Variants in MAF observed in about 807,000 individuals in gnomAD.
MAF encodes MAF bZIP transcription factor, also known as transcription factor Maf.
In MAF, 10 loss-of-function variants were observed where a neutral mutation model predicts 22.0. The ratio of observed to expected loss-of-function variants is 0.45; its 90% CI spans 0.28 to 0.77. MAF has a LOEUF of 0.77. MAF is among the 30% of genes least tolerant of loss of function. The probability of loss-of-function intolerance (pLI) is 0.12; values close to 1 mark genes in which losing one functional copy is unlikely to be tolerated. For synonymous variants in MAF, 337 were observed against 255.8 expected (o/e 1.32, Z -3.03); for missense variants, 544 against 548.4 (o/e 0.99, Z 0.08).
chr16:79,249,084 G>A, the MAF span, among the ~76,000 whole-genome samples: 2 of 152,166 alleles, frequency 1.3e-5, no homozygotes, highest in Non-Finnish European at 2.9e-5. Flanking sequence ...AAGTGGTAAG[G>A]TTATGAGGGC....
chr16:79,405,196 G>A, the MAF span, among the ~76,000 whole-genome samples: 1 of 152,100 alleles, frequency 6.6e-6, no homozygotes, highest in African/African-American at 2.4e-5. Context: ...AGGGGAGAAG[G>A]GAATGTCCAA....
At chr16:79,212,246 C>G in the MAF span, 5 of 1,335,162 alleles carry the variant, frequency 3.7e-6, no homozygotes, top group South Asian at 6.3e-5. Flanking sequence ...CTGCATTGAT[C>G]CAGGAGATAA....
intron 1 of MAF, 194 bp downstream of exon 1, chr16:79,598,591 T>TG: frequency 6.8e-7 from 1 of 1,461,474 alleles, no homozygotes; most frequent in East Asian, 2.5e-5. Context: ...GGTGTGTGTG[T>TG]GTGTGTGTGT....
the MAF span, among the ~76,000 whole-genome samples, chr16:79,334,999 A>G: frequency 6.6e-6 from 1 of 151,758 alleles, no homozygotes; most frequent in African/African-American, 2.4e-5. Context: ...AGCCTGGCCA[A>G]CATGGTGAAA....
At chr16:79,538,283 G>C in the MAF span, among the ~76,000 whole-genome samples, 2 of 152,174 alleles carry the variant, frequency 1.3e-5, no homozygotes, top group Non-Finnish European at 1.5e-5. Context: ...TTAAAGCACA[G>C]TACAAGATGC....
At chr16:79,515,869 T>C in the MAF span, 1 of 151,708 alleles carries the variant, frequency 6.6e-6, no homozygotes, top group Non-Finnish European at 1.5e-5. Flanking sequence ...GGAGCCTCCA[T>C]CATATGGAGT....
In MAF at chr16:79,599,965, G is replaced by C; in HGVS notation, c.-63C>G. On this transcript the variant is annotated 5_prime_UTR_variant, in exon 1 of 2. Coordinates refer to ENST00000326043, the MANE Select transcript of MAF (RefSeq NM_005360.5). ...CAGATGGGCTGCAGGAGAGGGGCCAGCGGGCTGTGCTGGGTGGCCAGCGGG... is the reference window on the plus strand; with the variant it reads ...CAGATGGGCTGCAGGAGAGGGGCCACCGGGCTGTGCTGGGTGGCCAGCGGG... 6.3e-7 allele frequency: 1 copy of C among 1,594,216 alleles called. No individual in the cohort carries two copies. Among genetic ancestry groups the C allele is most frequent in the Non-Finnish European group, 8.5e-7 (1 of 1,177,242 alleles).
At chr16:79,569,334 G>A in the MAF span, among the ~76,000 whole-genome samples, 1 of 152,154 alleles carries the variant, frequency 6.6e-6, no homozygotes, top group African/African-American at 2.4e-5. Context: ...AATGTCCCTG[G>A]AGGAGCAGCA....
chr16:79,502,708 A>AATATATAAATATATATATATAT, the MAF span, among the ~76,000 whole-genome samples: 1 of 34,008 alleles, frequency 2.9e-5, no homozygotes, highest in African/African-American at 9.0e-5. Flanking sequence ...TATAAATATA[A>AATATATAAATATATATATATAT]ATATATATAT....
At chr16:79,333,387 G>A in the MAF span, among the ~76,000 whole-genome samples, 1 of 152,122 alleles carries the variant, frequency 6.6e-6, no homozygotes, top group African/African-American at 2.4e-5. Flanking sequence ...CTTTGCAGGG[G>A]AGAGTTCTGT....
At chr16:79,260,476 T>TATCTAC in the MAF span, among the ~76,000 whole-genome samples, 1 of 149,844 alleles carries the variant, frequency 6.7e-6, no homozygotes, top group Admixed American at 6.6e-5. Context: ...TCTATATCTA[T>TATCTAC]ATCTATATCT....
the MAF span, among the ~76,000 whole-genome samples, chr16:79,423,048 G>T: frequency 6.6e-6 from 1 of 152,146 alleles, no homozygotes; most frequent in East Asian, 1.9e-4. Context: ...GAAGCAGCCA[G>T]CCAGGTAAAG....
the MAF span, among the ~76,000 whole-genome samples, chr16:79,331,546 A>G: frequency 6.6e-6 from 1 of 152,122 alleles, no homozygotes; most frequent in Non-Finnish European, 1.5e-5. Context: ...CAAGACATCC[A>G]CCGCTCTTCT....
the MAF span, among the ~76,000 whole-genome samples, chr16:79,364,177 C>T: frequency 3.3e-5 from 5 of 151,962 alleles, no homozygotes; most frequent in Admixed American, 3.3e-4. Context: ...AGGAGGGAGC[C>T]CAGGGCAAAT....
chr16:79,419,512 G>A, the MAF span, among the ~76,000 whole-genome samples: 2 of 152,316 alleles, frequency 1.3e-5, no homozygotes, highest in South Asian at 2.1e-4. Context: ...TGATGAGCCT[G>A]TTTCAGGCTT....
chr16:79,276,433 G>C, the MAF span, among the ~76,000 whole-genome samples: 1 of 152,288 alleles, frequency 6.6e-6, no homozygotes, highest in Non-Finnish European at 1.5e-5. Context: ...TCTGTCTCTT[G>C]AAACATTTCC....
the MAF span, among the ~76,000 whole-genome samples, chr16:79,300,161 C>T: frequency 2.0e-5 from 3 of 152,152 alleles, no homozygotes; most frequent in Admixed American, 2.0e-4. Flanking sequence ...GGCATAATGG[C>T]TAATGATTGT....
chr16:79,384,080 G>C, the MAF span, among the ~76,000 whole-genome samples: 18 of 152,274 alleles, frequency 1.2e-4, 1 homozygote, highest in South Asian at 3.7e-3. Flanking sequence ...CTCCTGAGTT[G>C]TACAATCGGG....
chr16:79,546,650 T>G, the MAF span, among the ~76,000 whole-genome samples: 1 of 152,208 alleles, frequency 6.6e-6, no homozygotes, highest in South Asian at 2.1e-4. Flanking sequence ...CTTATGTGAT[T>G]GCTGTTATCA....
Sources: allele counts gnomAD v4.1 joint callset (sites outside exome capture counted in the v4.1 genomes callset), GRCh38; gene constraint gnomAD v4.1.1; transcripts MANE v1.5; gene names NCBI Gene and HGNC (gene_info 2026-07-23, HGNC 2026-07-21).